The following DLGAP4 variants were observed in gnomAD, a reference collection of about 807,000 sequenced individuals.
DLGAP4 encodes the protein disks large-associated protein 4.
DLGAP4 carries 18 observed loss-of-function variants against 86.9 expected under a neutral mutation model. That is an observed-to-expected ratio of 0.21 (90% CI 0.14 to 0.31). The LOEUF (loss-of-function observed/expected upper bound fraction) is 0.31, where lower values mean the gene tolerates loss of function less well. DLGAP4 is among the 10% of genes least tolerant of loss of function. The pLI, the probability that DLGAP4 is intolerant of heterozygous loss-of-function variation, is 1.00. For synonymous variants in DLGAP4, 548 were observed against 574.3 expected (o/e 0.95, Z 0.65); for missense variants, 1,085 against 1,362.6 (o/e 0.80, Z 3.21).
intron 2 of DLGAP4, among the ~76,000 whole-genome samples, chr20:36,419,822 G>A (rs144157524): frequency 6.6e-6 from 1 of 152,340 alleles, no homozygotes; most frequent in East Asian, 1.9e-4. Flanking sequence ...AGCCTCAGAG[G>A]TCACACTTGG....
In DLGAP4 at chr20:36,431,650, G is replaced by C. The variant is rs1427644829; in HGVS notation, c.-68G>C. On this transcript the variant is annotated 5_prime_UTR_variant, in exon 3 of 13. Transcript: ENST00000339266. This position sits in a 1 kb window ranked among gnomAD's most constrained non-coding sequence, Gnocchi z 5.1. Reference sequence around the variant, plus strand: ...CTTTCTGTCTTCTCTCCCTAGGATAGCTGCCGCCCGGGAGAGGTGACCCGG... The same window carrying C: ...CTTTCTGTCTTCTCTCCCTAGGATACCTGCCGCCCGGGAGAGGTGACCCGG... The C allele has an allele frequency of 4.0e-6, 6 of 1,497,036 alleles. No homozygotes were observed. In the East Asian group the frequency reaches 1.4e-4, roughly 35 times the overall value. The allele number at this position is 1,497,036 out of a possible 1,614,324, so 92.7% of individuals were successfully genotyped here. A position where few individuals can be genotyped will look rare whatever the true frequency, so the allele number is the denominator to read the frequency against.
At chr20:36,381,935 G>T (rs1192943641) in intron 2 of DLGAP4, among the ~76,000 whole-genome samples, 2 of 152,192 alleles carry the variant, frequency 1.3e-5, no homozygotes, top group Non-Finnish European at 2.9e-5. Flanking sequence ...TGGGGTCCCA[G>T]GAGAGCAAAG....
Position 36,436,265 on chromosome 20 carries a change from A to C in DLGAP4, c.1156A>C (p.Lys386Gln). The C allele has an allele frequency of 6.2e-7, 1 of 1,605,950 alleles. No individual in the cohort carries two copies. The highest frequency in any genetic ancestry group is 8.5e-7 in the Non-Finnish European group (1 of 1,179,468). ...EDSDESGGSP[K>Q]PSPKTAARRQ... Reference sequence around the variant, plus strand: ...CAGCGACGAGTCCGGCGGCAGCCCCAAGCCCTCACCCAAGACCGCGGCGCG... The same window carrying C: ...CAGCGACGAGTCCGGCGGCAGCCCCCAGCCCTCACCCAAGACCGCGGCGCG... Residue 386 changes from lysine to glutamine, a missense_variant, in exon 4 of 13, where the codon AAG (lysine) becomes CAG (glutamine). Coordinates refer to ENST00000339266, the MANE Select transcript of DLGAP4 (RefSeq NM_001365621.2).
intron 1 of DLGAP4, among the ~76,000 whole-genome samples, chr20:36,355,587 G>A (rs950683422): frequency 6.6e-6 from 1 of 152,204 alleles, no homozygotes; most frequent in African/African-American, 2.4e-5. Flanking sequence ...GTCAGCCACT[G>A]AGCCCAGCAG....
chr20:36,404,749 G>GAAT (rs1283537590), intron 2 of DLGAP4, among the ~76,000 whole-genome samples: 3 of 141,090 alleles, frequency 2.1e-5, no homozygotes, highest in African/African-American at 8.8e-5. Context: ...TTTGTTGGTT[G>GAAT]GATGAATGAA....
intron 7 of DLGAP4, among the ~76,000 whole-genome samples, chr20:36,488,499 C>T (rs2035518264): frequency 6.6e-6 from 1 of 152,104 alleles, no homozygotes; most frequent in Admixed American, 6.5e-5. Flanking sequence ...AGTATAGGGT[C>T]ACTGCAAGCC....
intron 7 of DLGAP4, among the ~76,000 whole-genome samples, chr20:36,469,700 C>G (rs1171651692): frequency 1.3e-5 from 2 of 151,084 alleles, no homozygotes; most frequent in African/African-American, 4.9e-5. Context: ...TTGCAGTGAG[C>G]CGAGATCGCG....
At position 36,526,432 on chromosome 20, in the gene DLGAP4, G is replaced by A. The variant is rs1157823034; in HGVS notation, c.2761-381G>A. Among the ~76,000 whole-genome samples the A allele has an allele frequency of 2.0e-5, 3 of 152,028 alleles. No individual in the cohort carries two copies. The East Asian group carries it at 5.8e-4, about 29-fold the overall frequency. ...CAGAACCAGTGACCCCTGTTGAACC[G>A]TGGCCCTGTCTAATCCCCTAGAATA... On this transcript the variant is annotated intron_variant, in intron 12 of 12. Transcript: ENST00000339266.
At chr20:36,499,488 T>G in intron 8 of DLGAP4, 100 bp from the exon 9 acceptor site, 1 of 1,408,248 alleles carries the variant, frequency 7.1e-7, no homozygotes, top group South Asian at 1.2e-5. Flanking sequence ...CACGTCCGTT[T>G]GCGTCGTCCC....
chr20:36,439,516 A>G (rs1203204421), intron 4 of DLGAP4, among the ~76,000 whole-genome samples: 1 of 152,068 alleles, frequency 6.6e-6, no homozygotes, highest in Non-Finnish European at 1.5e-5. Flanking sequence ...AACTTGACCC[A>G]CCTCTGTCGG....
At chr20:36,521,565 C>T (rs1466416628) in intron 10 of DLGAP4, among the ~76,000 whole-genome samples, 2 of 152,124 alleles carry the variant, frequency 1.3e-5, no homozygotes, top group African/African-American at 4.8e-5. Context: ...TTATTCTATT[C>T]ATGGGGCAGC....
At chr20:36,520,998 A>G (rs996798661) in intron 10 of DLGAP4, among the ~76,000 whole-genome samples, 2 of 152,104 alleles carry the variant, frequency 1.3e-5, no homozygotes, top group South Asian at 4.1e-4. Flanking sequence ...AAGCCCGGCT[A>G]ATTTTAGTAT....
intron 2 of DLGAP4, among the ~76,000 whole-genome samples, chr20:36,401,074 A>G (rs1386289741): frequency 1.4e-5 from 2 of 140,818 alleles, no homozygotes; most frequent in African/African-American, 2.6e-5. Flanking sequence ...CCAGTCCCCC[A>G]CCCGCCCAGC....
chr20:36,526,172 C>A, intron 12 of DLGAP4, 166 bp downstream of exon 12: 1 of 980,336 alleles, frequency 1.0e-6, no homozygotes, highest in Non-Finnish European at 1.5e-6. Context: ...ACTTGTCTGG[C>A]ATGCCGCTTG....
chr20:36,339,450 C>T lies in DLGAP4; in HGVS notation c.-303-27595C>T, dbSNP rs1600412357. On this transcript the variant is annotated intron_variant, in intron 1 of 12. Transcript: ENST00000339266. ...TAGCCCAGGCTGGAGTGCAGTGGCA[C>T]GATCTCCGCTCACTGCAACATCAAC... Among the ~76,000 whole-genome samples the T allele has an allele frequency of 6.6e-5, 10 of 152,154 alleles. No homozygotes were observed. In the South Asian group the frequency reaches 1.7e-3, roughly 25 times the overall value.
intron 7 of DLGAP4, among the ~76,000 whole-genome samples, chr20:36,479,636 T>A (rs1394691276): frequency 6.6e-6 from 1 of 151,968 alleles, no homozygotes; most frequent in Non-Finnish European, 1.5e-5. Context: ...AAGAGGGTGT[T>A]CAGGCAGCAC....
At chr20:36,309,103 C>T (rs2065030816) in intron 1 of DLGAP4, among the ~76,000 whole-genome samples, 1 of 152,130 alleles carries the variant, frequency 6.6e-6, no homozygotes, top group African/African-American at 2.4e-5. Flanking sequence ...GCTCCTCTGC[C>T]TGAACATCCC....
At chr20:36,320,677 T>C (rs1296904130) in intron 1 of DLGAP4, among the ~76,000 whole-genome samples, 1 of 152,120 alleles carries the variant, frequency 6.6e-6, no homozygotes, top group Non-Finnish European at 1.5e-5. Flanking sequence ...ACCTGGTACC[T>C]GGAGTCTGGG....
At chr20:36,437,682 G>A (rs1319836136) in intron 4 of DLGAP4, among the ~76,000 whole-genome samples, 2 of 152,194 alleles carry the variant, frequency 1.3e-5, no homozygotes, top group African/African-American at 2.4e-5. Context: ...AACTAGGGGG[G>A]ACAGGAGCCA....
Sources: gnomAD v4.1 joint callset for allele counts (sites outside exome capture counted in the v4.1 genomes callset) on GRCh38, gnomAD v4.1.1 for gene constraint, Gnocchi (gnomAD v3.1) non-coding constraint, MANE v1.5 for transcripts, NCBI Gene and HGNC (gene_info 2026-07-23, HGNC 2026-07-21) for gene names.